The following HADH variants were observed in gnomAD, a reference collection of about 807,000 sequenced individuals.
HADH encodes the protein hydroxyacyl-coenzyme A dehydrogenase, mitochondrial.
In HADH, 24 loss-of-function variants were observed where a neutral mutation model predicts 32.2. The observed-to-expected ratio is 0.75, with a 90% CI of 0.54 to 1.05. The LOEUF (loss-of-function observed/expected upper bound fraction) is 1.05, where lower values mean the gene tolerates loss of function less well. HADH is among the 50% of genes least tolerant of loss of function. The probability of loss-of-function intolerance (pLI) is 0.00; values close to 1 mark genes in which losing one functional copy is unlikely to be tolerated. For synonymous variants in HADH, 139 were observed against 152.5 expected (o/e 0.91, Z 0.65); for missense variants, 350 against 397.1 (o/e 0.88, Z 1.01).
intron 1 of HADH, among the ~76,000 whole-genome samples, chr4:107,993,818 G>A (rs1734880400): frequency 1.3e-5 from 2 of 152,080 alleles, no homozygotes; most frequent in Non-Finnish European, 2.9e-5. Context: ...CTTCTGACTT[G>A]GTTTTGATTG....
At chr4:108,005,024 C>G (rs1179494820) in intron 1 of HADH, 1 of 765,644 alleles carries the variant, frequency 1.3e-6, no homozygotes, top group Non-Finnish European at 2.1e-6. Flanking sequence ...TATACTGTAA[C>G]TCACCATATA....
intron 5 of HADH, chr4:108,025,161 T>C (rs371971482): frequency 6.6e-6 from 1 of 152,248 alleles, no homozygotes. Flanking sequence ...AGTGTGGCTG[T>C]GCTCCAGTAA....
chr4:108,033,566 C>T (rs1299747080), intron 7 of HADH, among the ~76,000 whole-genome samples: 3 of 152,160 alleles, frequency 2.0e-5, no homozygotes, highest in Non-Finnish European at 4.4e-5. Context: ...GTGTGCCCTT[C>T]ACCCAGTTTC....
chr4:108,023,509 T>G lies in HADH; in HGVS notation c.582T>G (p.Phe194Leu). 1.2e-6 allele frequency: 2 copies of G among 1,612,696 alleles called. No individual in the cohort carries two copies. The highest frequency in any genetic ancestry group is 2.2e-5 in the South Asian group (2 of 91,044). ...CACCAATGACCAGCCAGAAGACATT[T>G]GAATCTTTGGTAGACTTTAGCAAAG... ...IKTPMTSQKT[F>L]ESLVDFSKAL... The change falls in exon 5 of 8, where the codon TTT becomes TTG. Residue 194 changes from phenylalanine (F) to leucine (L), a missense_variant. Phe to Leu is a conservative substitution (Grantham distance 22, BLOSUM62 0). Transcript: ENST00000309522.
intron 4 of HADH, among the ~76,000 whole-genome samples, chr4:108,020,533 C>G (rs1047105179): frequency 2.6e-5 from 4 of 152,092 alleles, no homozygotes; most frequent in South Asian, 2.1e-4. Flanking sequence ...GCCTCCTGAC[C>G]ATAAACCTGG....
At chr4:108,024,440 A>T (rs1049682224) in intron 5 of HADH, 3 of 152,192 alleles carry the variant, frequency 2.0e-5, no homozygotes, top group African/African-American at 7.2e-5. Context: ...TCGAGTTTGA[A>T]CTTACAGTAC....
Position 108,009,708 on chromosome 4 carries a change from C to T in HADH, c.133-51C>T, listed in dbSNP as rs764144526. ...TTTTGGGGTGGGGTGTGTGCGCGTGCGTGTTATGTTTTCTTTCTTTTAAAA... is the reference window on the plus strand; with the variant it reads ...TTTTGGGGTGGGGTGTGTGCGCGTGTGTGTTATGTTTTCTTTCTTTTAAAA... On this transcript the variant is annotated intron_variant, in intron 1 of 7. Coordinates refer to ENST00000309522, the MANE Select transcript of HADH (RefSeq NM_005327.7). 14 of 1,580,940 alleles carry T rather than the reference C, an allele frequency of 8.9e-6. No individual in the cohort carries two copies. The African/African-American group carries it at 9.4e-5, about 11-fold the overall frequency.
chr4:108,006,233 C>CT (rs1440015981), intron 1 of HADH, among the ~76,000 whole-genome samples: 1 of 152,082 alleles, frequency 6.6e-6, no homozygotes, highest in Admixed American at 6.6e-5. Context: ...GCGTCTGGAA[C>CT]TTTCAGAGAG....
chr4:108,033,351 A>C, intron 7 of HADH, 59 bp downstream of exon 7: 1 of 900,066 alleles, frequency 1.1e-6, no homozygotes, highest in East Asian at 2.4e-5. Flanking sequence ...ACTGTAAATT[A>C]TAATGCCTTT....
At chr4:108,000,131 C>G (rs1292899772) in intron 1 of HADH, among the ~76,000 whole-genome samples, 2 of 152,186 alleles carry the variant, frequency 1.3e-5, no homozygotes, top group African/African-American at 4.8e-5. Flanking sequence ...TGCAACAGCA[C>G]TTTTGAAAGG....
chr4:108,011,850 C>T (rs1043412193), intron 2 of HADH, among the ~76,000 whole-genome samples: 1 of 151,978 alleles, frequency 6.6e-6, no homozygotes, highest in Non-Finnish European at 1.5e-5. Flanking sequence ...TTATTGTAGC[C>T]ATCTTAGGTG....
At chr4:108,032,740 T>C (rs1015963434) in intron 6 of HADH, 1 of 330,150 alleles carries the variant, frequency 3.0e-6, no homozygotes. Flanking sequence ...CTTAGCACTT[T>C]GGGAAGCTGA....
At position 108,032,341 on chromosome 4, in the gene HADH, G is replaced by T. The variant is rs1370946514; in HGVS notation, c.710-835G>T. ...CTACTCAACAGACTTCCAAACGTGT[G>T]GTGATTCTAACTCGGGTTTGGGCTT... On this transcript the variant is annotated intron_variant, in intron 6 of 7. Coordinates refer to ENST00000309522, the MANE Select transcript of HADH (RefSeq NM_005327.7). 2.5e-6 allele frequency: 4 copies of T among 1,601,184 alleles called. No individual in the cohort carries two copies. In the African/African-American group the frequency reaches 5.4e-5, roughly 21 times the overall value.
Position 108,018,310 on chromosome 4 carries a change from T to C in HADH, c.420-1230T>C, listed in dbSNP as rs1349270261. Among the ~76,000 whole-genome samples, 4 of 152,224 alleles carry C rather than the reference T, an allele frequency of 2.6e-5. No homozygotes were observed. The East Asian group carries it at 7.7e-4, about 29-fold the overall frequency. ...CTTGTGTTGGCCACACACATTGTTA[T>C]TGGAAGAGGATCTTTTTTTCATTAC... On this transcript the variant is annotated intron_variant, in intron 3 of 7. Transcript: ENST00000309522.
chr4:108,014,563 A>G lies in HADH; in HGVS notation c.394A>G (p.Lys132Glu), dbSNP rs1156513616. The change falls in exon 3 of 8, where the codon AAA (lysine) becomes GAA (glutamate). Residue 132 changes from lysine (K) to glutamate (E), a missense_variant. Lys to Glu is a moderately conservative substitution (Grantham distance 56). Transcript: ENST00000309522. ...ENLKVKNELF[K>E]RLDKFAAEHT... ...TCTGAAGGTGAAAAACGAGCTCTTC[A>G]AAAGGCTGGACAAGTTTGCTGCTGA... 1 of 1,613,888 alleles carries G rather than the reference A, an allele frequency of 6.2e-7. No homozygotes were observed. The highest frequency in any genetic ancestry group is 2.2e-5 in the East Asian group (1 of 44,882).
At chr4:108,007,467 G>C (rs1417995049) in intron 1 of HADH, among the ~76,000 whole-genome samples, 2 of 152,100 alleles carry the variant, frequency 1.3e-5, no homozygotes, top group Non-Finnish European at 2.9e-5. Flanking sequence ...CTCAGCCCTT[G>C]GAGATCTCAT....
intron 1 of HADH, among the ~76,000 whole-genome samples, chr4:108,006,351 G>T (rs79059934): frequency 6.6e-6 from 1 of 152,134 alleles, no homozygotes; most frequent in Non-Finnish European, 1.5e-5. Context: ...GATCAGAGCC[G>T]ACAGGTTATT....
intron 2 of HADH, among the ~76,000 whole-genome samples, chr4:108,010,797 G>A (rs960301286): frequency 2.6e-5 from 4 of 151,206 alleles, no homozygotes; most frequent in African/African-American, 9.7e-5. Context: ...ATTTCACTTA[G>A]CATAAAGTTT....
chr4:108,028,770 ATG>A (rs1444212350), intron 6 of HADH: 2 of 397,280 alleles, frequency 5.0e-6, no homozygotes, highest in East Asian at 7.1e-5. Flanking sequence ...TTTTAACAAA[ATG>A]TAATGTTTTA....
Sources: allele counts gnomAD v4.1 joint callset (sites outside exome capture counted in the v4.1 genomes callset), GRCh38; gene constraint gnomAD v4.1.1; transcripts MANE v1.5; gene names NCBI Gene and HGNC (gene_info 2026-07-23, HGNC 2026-07-21).